ITGA6: variants seen among roughly 807,000 people sequenced by gnomAD.
The protein encoded by ITGA6 is integrin subunit alpha 6.
In ITGA6, 63 loss-of-function variants were observed where a neutral mutation model predicts 133.6. That is an observed-to-expected ratio of 0.47 (90% confidence interval 0.38 to 0.58). The LOEUF is 0.58. Among genes scored for constraint, ITGA6 ranks in the 20% least tolerant of loss-of-function variants. The pLI is 0.00. For missense variants in ITGA6, 1,068 were observed against 1,309.4 expected, an observed-to-expected ratio of 0.82 and a Z score of 2.85; for synonymous variants, 434 against 482.0, an observed-to-expected ratio of 0.90 and a Z score of 1.30.
Position 172,474,143 on chromosome 2 carries a change from C to G in ITGA6, c.864C>G (p.Ala288=), listed in dbSNP as rs763284349. 1.9e-6 allele frequency: 3 copies of G among 1,613,832 alleles called. No individual in the cohort carries two copies. The South Asian group carries it at 3.3e-5, about 18-fold the overall frequency. The change falls in exon 6 of 26, where the codon GCC becomes GCG. Residue 288 remains alanine (A), a synonymous_variant. Transcript: ENST00000684293. ...SGAPRANHSG[A]VVLLKRDMKS... The stretch of plus-strand genomic sequence containing the variant: ...CTCCCAGAGCCAATCACAGTGGAGC[C>G]GTGGTTTTGCTGAAGAGAGACATGA...
At chr2:172,493,766 A>T (rs1397238763) in intron 23 of ITGA6, among the ~76,000 whole-genome samples, 1 of 152,208 alleles carries the variant, frequency 6.6e-6, no homozygotes, top group East Asian at 1.9e-4. Context: ...CCGACCAGCA[A>T]GTAGAGCTGA....
chr2:172,462,788 A>G (rs914092269), intron 1 of ITGA6, among the ~76,000 whole-genome samples: 20 of 152,306 alleles, frequency 1.3e-4, no homozygotes, highest in Non-Finnish European at 2.6e-4. Flanking sequence ...CCTGCAGGAC[A>G]CAGCAGGCTA....
chr2:172,470,226 A>G (rs192505752), intron 4 of ITGA6, among the ~76,000 whole-genome samples: 30 of 152,250 alleles, frequency 2.0e-4, no homozygotes, highest in African/African-American at 4.8e-4. Flanking sequence ...TCTGTGTGCA[A>G]TCTTCAAGGG....
chr2:172,457,295 C>CAAAAAAA lies in ITGA6; in HGVS notation c.183-8230_183-8224dup, dbSNP rs71403305. On this transcript the variant is annotated intron_variant, in intron 1 of 25. Coordinates refer to ENST00000684293, the MANE Select transcript of ITGA6 (RefSeq NM_000210.4). ...GGGTGACAGAGCGAGATTCTGTCTC[C>CAAAAAAA]AAAAAAAAAAAAAAAAAAAAGAAGC... 8.6e-3 allele frequency among the ~76,000 whole-genome samples: 678 copies of CAAAAAAA among 79,058 alleles called. 15 individuals carry two copies. The highest frequency in any genetic ancestry group is 0.025 in the African/African-American group (511 of 20,276). The allele number at this position is 79,058 out of a possible 152,430, so 51.9% of individuals were successfully genotyped here.
At chr2:172,431,022 A>G (rs1178920785) in intron 1 of ITGA6, among the ~76,000 whole-genome samples, 1 of 152,188 alleles carries the variant, frequency 6.6e-6, no homozygotes, top group African/African-American at 2.4e-5. Context: ...AGATAGTCTC[A>G]TGAAGTCATT....
intron 4 of ITGA6, among the ~76,000 whole-genome samples, chr2:172,469,746 TATAC>T (rs1480010637): frequency 6.6e-6 from 1 of 152,232 alleles, no homozygotes; most frequent in Admixed American, 6.5e-5. Context: ...AATAATGGTA[TATAC>T]AAATAACAGT....
chr2:172,454,487 G>GGAGA (rs555892634), intron 1 of ITGA6, among the ~76,000 whole-genome samples: 21 of 152,114 alleles, frequency 1.4e-4, no homozygotes, highest in Admixed American at 4.6e-4. Flanking sequence ...AGAGAGTGAT[G>GGAGA]GAGAGGGTTA....
At chr2:172,486,349 T>C (rs1021301343) in intron 13 of ITGA6, among the ~76,000 whole-genome samples, 1 of 152,172 alleles carries the variant, frequency 6.6e-6, no homozygotes, top group African/African-American at 2.4e-5. Context: ...ATATAGTTCC[T>C]TATATTTCTG....
intron 11 of ITGA6, 93 bp downstream of exon 11, chr2:172,480,144 A>C (rs1482477597): frequency 2.6e-6 from 2 of 760,530 alleles, no homozygotes; most frequent in Non-Finnish European, 4.7e-6. Flanking sequence ...TGCAGTGGCC[A>C]ACATGGGTCT....
At chr2:172,430,624 C>T (rs1684067419) in intron 1 of ITGA6, among the ~76,000 whole-genome samples, 2 of 152,180 alleles carry the variant, frequency 1.3e-5, no homozygotes, top group South Asian at 2.1e-4. Flanking sequence ...ATTTTAAACT[C>T]CAGTTATGAC....
At chr2:172,434,802 A>G (rs1684250015) in intron 1 of ITGA6, among the ~76,000 whole-genome samples, 1 of 152,144 alleles carries the variant, frequency 6.6e-6, no homozygotes, top group Non-Finnish European at 1.5e-5. Flanking sequence ...CAGATATAGT[A>G]TAAGAAAAGC....
intron 1 of ITGA6, among the ~76,000 whole-genome samples, chr2:172,432,848 C>T (rs1213928161): frequency 6.6e-6 from 1 of 152,194 alleles, no homozygotes; most frequent in Non-Finnish European, 1.5e-5. Flanking sequence ...GAATAGAGAT[C>T]TTTCTGAAAG....
chr2:172,427,884 C>A lies in ITGA6; in HGVS notation c.96C>A (p.Asn32Lys). 1 of 1,606,704 alleles carries A rather than the reference C, an allele frequency of 6.2e-7. No homozygotes were observed. Among genetic ancestry groups the A allele is most frequent in the Non-Finnish European group, 8.5e-7 (1 of 1,177,008 alleles). ...AAFNLDTRED[N>K]VIRKYGDPGS... The stretch of plus-strand genomic sequence containing the variant: ...TCAACTTGGACACTCGGGAGGACAA[C>A]GTGATCCGGAAATATGGAGACCCCG... The change falls in exon 1 of 26, where the codon AAC becomes AAA. Residue 32 changes from asparagine to lysine, a missense_variant. By Grantham distance (94) the Asn-to-Lys change is moderately conservative (BLOSUM62 0). Coordinates refer to ENST00000684293, the MANE Select transcript of ITGA6 (RefSeq NM_000210.4).
In ITGA6 at chr2:172,497,960, T is replaced by C; in HGVS notation, c.2989-15T>C. 1 of 1,613,760 alleles carries C rather than the reference T, an allele frequency of 6.2e-7. No homozygotes were observed. Among genetic ancestry groups the C allele is most frequent in the Non-Finnish European group, 8.5e-7 (1 of 1,179,724 alleles). On this transcript the variant is annotated splice_polypyrimidine_tract_variant and intron_variant, in intron 23 of 25. Transcript: ENST00000684293. The stretch of plus-strand genomic sequence containing the variant: ...CGCTGTATGTAGTAATGCTGCTTTC[T>C]TTTCTGCCCTGTAGGTTCGAGTGAC...
At chr2:172,484,707 A>G in intron 11 of ITGA6, 75 bp from the exon 12 acceptor site, 1 of 1,216,614 alleles carries the variant, frequency 8.2e-7, no homozygotes, top group Non-Finnish European at 1.2e-6. Flanking sequence ...TTAAAATCTT[A>G]AAAGGAGTTC....
intron 1 of ITGA6, chr2:172,465,322 G>T: frequency 1.6e-6 from 1 of 615,932 alleles, no homozygotes; most frequent in South Asian, 1.9e-5. Flanking sequence ...CCTCGTTTTG[G>T]TATCCCCTCT....
chr2:172,505,515 A>G lies in ITGA6; in HGVS notation c.*1447A>G, dbSNP rs1454914458. Reference sequence around the variant, plus strand: ...AACTTTAAATTGTGTTTTAATTGTAAAAATGGCAGGGGGTGGAATTATTAC... The same window carrying G: ...AACTTTAAATTGTGTTTTAATTGTAGAAATGGCAGGGGGTGGAATTATTAC... On this transcript the variant is annotated 3_prime_UTR_variant, in exon 26 of 26. Coordinates refer to ENST00000684293, the MANE Select transcript of ITGA6 (RefSeq NM_000210.4). 2.0e-5 allele frequency: 3 copies of G among 152,548 alleles called. No individual in the cohort carries two copies. Among genetic ancestry groups the G allele is most frequent in the Non-Finnish European group, 4.4e-5 (3 of 68,036 alleles). The allele number at this position is 152,548 out of a possible 1,614,324, so 9.4% of individuals were successfully genotyped here.
intron 1 of ITGA6, among the ~76,000 whole-genome samples, chr2:172,431,347 A>G (rs1417664206): frequency 6.6e-6 from 1 of 152,224 alleles, no homozygotes; most frequent in Non-Finnish European, 1.5e-5. Flanking sequence ...AAAGCCAGAA[A>G]TGTTCTTCAG....
Position 172,469,262 on chromosome 2 carries a change from T to C in ITGA6, c.525T>C (p.Cys175=). The change falls in exon 4 of 26, where the codon TGT becomes TGC. Residue 175 remains cysteine, a synonymous_variant. Transcript: ENST00000684293. ...TGGATGGGGGAGATTGGAGCTTTTG[T>C]GATGGGCGATTGAGAGGCCATGAGA... ...DDMDGGDWSF[C]DGRLRGHEKF... is the part of the protein sequence containing the mutation. 1 of 1,614,176 alleles carries C rather than the reference T, an allele frequency of 6.2e-7. No homozygotes were observed. The highest frequency in any genetic ancestry group is 8.5e-7 in the Non-Finnish European group (1 of 1,180,002).
Sources: gnomAD v4.1 joint callset for allele counts (sites outside exome capture counted in the v4.1 genomes callset) on GRCh38, gnomAD v4.1.1 for gene constraint, MANE v1.5 for transcripts, NCBI Gene and HGNC (gene_info 2026-07-23, HGNC 2026-07-21) for gene names.